The following TRIM42 variants were observed in gnomAD, a reference collection of about 807,000 sequenced individuals.
The protein encoded by TRIM42 is tripartite motif-containing protein 42.
In TRIM42, 59 loss-of-function variants were observed where a neutral mutation model predicts 64.9. The observed-to-expected ratio is 0.91, with a 90% CI of 0.74 to 1.13. The LOEUF is 1.13. TRIM42 is among the 50% of genes most tolerant of loss of function. The pLI, the probability that TRIM42 is intolerant of heterozygous loss-of-function variation, is 0.00. For missense variants in TRIM42, 878 were observed against 929.5 expected, an observed-to-expected ratio of 0.94 and a Z score of 0.72; for synonymous variants, 354 against 346.3, an observed-to-expected ratio of 1.02 and a Z score of -0.25.
At chr3:140,700,455 C>T (rs1262617087) in intron 4 of TRIM42, among the ~76,000 whole-genome samples, 1 of 152,034 alleles carries the variant, frequency 6.6e-6, no homozygotes, top group Non-Finnish European at 1.5e-5. Context: ...ATTTCCCCCA[C>T]ACCCCAATCA....
intron 4 of TRIM42, among the ~76,000 whole-genome samples, chr3:140,691,502 T>G (rs181356013): frequency 6.6e-6 from 1 of 152,292 alleles, no homozygotes; most frequent in South Asian, 2.1e-4. Flanking sequence ...CAAATAATTG[T>G]TGTGTGAGAA....
chr3:140,680,837 G>A (rs972331877), intron 1 of TRIM42: 1 of 327,062 alleles, frequency 3.1e-6, no homozygotes, highest in Non-Finnish European at 4.4e-6. Flanking sequence ...CAATATACTT[G>A]GGAAGCACCT....
At chr3:140,699,951 G>T (rs1232160877) in intron 4 of TRIM42, among the ~76,000 whole-genome samples, 1 of 152,076 alleles carries the variant, frequency 6.6e-6, no homozygotes, top group African/African-American at 2.4e-5. Context: ...TAAAAGCTTT[G>T]TACATAGAGA....
chr3:140,700,156 C>A (rs1988961071), intron 4 of TRIM42, among the ~76,000 whole-genome samples: 1 of 152,082 alleles, frequency 6.6e-6, no homozygotes, highest in Non-Finnish European at 1.5e-5. Flanking sequence ...TGAAGAAACC[C>A]AGTATCTTCA....
In TRIM42 at chr3:140,700,950, G is replaced by A; in HGVS notation, c.2148G>A (p.Gln716=). 2.5e-6 allele frequency: 4 copies of A among 1,614,072 alleles called. No individual in the cohort carries two copies. The highest frequency in any genetic ancestry group is 2.5e-6 in the Non-Finnish European group (3 of 1,179,950). ...RAKWGLLKNI[Q]SALQKHF ...AGTGGGGCCTGCTGAAGAATATCCAGTCTGCCCTCCAGAAGCACTTCTGAG... is the reference window on the plus strand; with the variant it reads ...AGTGGGGCCTGCTGAAGAATATCCAATCTGCCCTCCAGAAGCACTTCTGAG... Residue 716 remains glutamine (Q), a synonymous_variant, in exon 5 of 5, where the codon CAG becomes CAA. Transcript: ENST00000286349.
chr3:140,687,591 C>G, intron 2 of TRIM42, 131 bp from the exon 3 acceptor site: 1 of 671,242 alleles, frequency 1.5e-6, no homozygotes, highest in Admixed American at 2.9e-5. Context: ...TGTTTCAGCC[C>G]AACTACAAGT....
intron 3 of TRIM42, among the ~76,000 whole-genome samples, chr3:140,690,021 C>A (rs779817593): frequency 6.6e-6 from 1 of 152,058 alleles, no homozygotes; most frequent in Non-Finnish European, 1.5e-5. Flanking sequence ...TCAGTCAAGT[C>A]ATTTGCTGTC....
At chr3:140,684,153 A>G (rs543949884) in intron 2 of TRIM42, among the ~76,000 whole-genome samples, 1 of 152,304 alleles carries the variant, frequency 6.6e-6, no homozygotes, top group East Asian at 1.9e-4. Context: ...CAATAATGCT[A>G]CAGTACAGGC....
chr3:140,682,867 G>C lies in TRIM42; in HGVS notation c.747G>C (p.Lys249Asn), dbSNP rs773751766. Residue 249 changes from lysine to asparagine, a missense_variant, in exon 2 of 5, where the codon AAG (lysine) becomes AAC (asparagine). Physicochemically the swap from Lys to Asn is moderately conservative, Grantham distance 94 (BLOSUM62 0). Transcript: ENST00000286349. ...GCCGCAACAAGCGCATCGCTTACAA[G>C]CGCTGCATCACCTGCCGCCTCAACC... is the stretch of plus-strand genomic sequence containing the variant. The part of the protein sequence containing the change: ...QVCRNKRIAY[K>N]RCITCRLNLC... The C allele has an allele frequency of 6.8e-6, 11 of 1,614,196 alleles. No individual in the cohort carries two copies. Among genetic ancestry groups the C allele is most frequent in the Non-Finnish European group, 8.5e-6 (10 of 1,180,032 alleles).
intron 4 of TRIM42, among the ~76,000 whole-genome samples, chr3:140,692,875 T>C (rs576032519): frequency 4.6e-5 from 7 of 152,330 alleles, no homozygotes; most frequent in African/African-American, 1.7e-4. Context: ...AAAATATATG[T>C]AATCTATTAT....
Position 140,682,924 on chromosome 3 carries a change from G to T in TRIM42, c.804G>T (p.Ser268=), listed in dbSNP as rs114287544. The change falls in exon 2 of 5, where the codon TCG becomes TCT. Residue 268 remains serine, a synonymous_variant. Coordinates refer to ENST00000286349, the MANE Select transcript of TRIM42 (RefSeq NM_152616.5). The part of the protein sequence containing the change: ...LCNDCLKAFH[S]DVAMQDHVFV... ...ACGACTGCCTCAAGGCCTTCCACTC[G>T]GATGTGGCCATGCAAGACCACGTCT... 1 of 1,614,176 alleles carries T rather than the reference G, an allele frequency of 6.2e-7. No individual in the cohort carries two copies. Among genetic ancestry groups the T allele is most frequent in the Non-Finnish European group, 8.5e-7 (1 of 1,180,032 alleles).
At chr3:140,681,443 TGAGA>T (rs72085895) in intron 1 of TRIM42, among the ~76,000 whole-genome samples, 2,684 of 152,266 alleles carry the variant, frequency 0.018, 58 homozygotes, top group East Asian at 0.12. Flanking sequence ...AAACTGAACA[TGAGA>T]GAGGTTTAAA....
intron 3 of TRIM42, among the ~76,000 whole-genome samples, chr3:140,690,531 GTATATATATATATATATATATATA>G (rs56969249): frequency 0.026 from 2,683 of 104,118 alleles, 88 homozygotes; most frequent in African/African-American, 0.054. Flanking sequence ...AAGTTTTTAT[GTATATATATATATATATATATATA>G]TATATATATA....
chr3:140,679,310 G>C (rs1170754391), intron 1 of TRIM42, among the ~76,000 whole-genome samples: 1 of 152,134 alleles, frequency 6.6e-6, no homozygotes, highest in Non-Finnish European at 1.5e-5. Context: ...TTCATTTGGA[G>C]TGCTAACCCT....
chr3:140,699,383 T>C (rs1191353608), intron 4 of TRIM42, among the ~76,000 whole-genome samples: 3 of 152,236 alleles, frequency 2.0e-5, no homozygotes, highest in African/African-American at 7.2e-5. Flanking sequence ...TTTTCTAGAA[T>C]AACTCTTAAG....
intron 2 of TRIM42, 31 bp downstream of exon 2, chr3:140,683,190 C>A: frequency 1.2e-6 from 2 of 1,607,668 alleles, no homozygotes; most frequent in Non-Finnish European, 1.7e-6. Flanking sequence ...TTCAGCCTAA[C>A]TTCTAGTTCA....
intron 2 of TRIM42, among the ~76,000 whole-genome samples, chr3:140,685,898 A>G (rs1189712951): frequency 6.6e-6 from 1 of 152,230 alleles, no homozygotes; most frequent in Non-Finnish European, 1.5e-5. Context: ...TATGTGATAG[A>G]TAAAAACATA....
At chr3:140,689,545 T>G (rs2107762487) in intron 3 of TRIM42, among the ~76,000 whole-genome samples, 1 of 152,246 alleles carries the variant, frequency 6.6e-6, no homozygotes, top group Admixed American at 6.5e-5. Context: ...CTGCCAATGC[T>G]GCTGTCTACA....
chr3:140,682,814 T>C lies in TRIM42; in HGVS notation c.694T>C (p.Ser232Pro), dbSNP rs1274812664. The C allele has an allele frequency of 6.2e-7, 1 of 1,614,008 alleles. No homozygotes were observed. Among genetic ancestry groups the C allele is most frequent in the South Asian group, 1.1e-5 (1 of 91,072 alleles). Reference sequence around the variant, plus strand: ...CTACCTCAAGTGGCGCTTTGACCGCTCCTCCGGGCCCATCCTCTGCCAGGT... The same window carrying C: ...CTACCTCAAGTGGCGCTTTGACCGCCCCTCCGGGCCCATCCTCTGCCAGGT... ...HGYLKWRFDR[S>P]SGPILCQVCR... Residue 232 changes from serine (S) to proline (P), a missense_variant, in exon 2 of 5, where the codon TCC becomes CCC. By Grantham distance (74) the Ser-to-Pro change is moderately conservative (BLOSUM62 -1). Transcript: ENST00000286349.
Sources: gnomAD v4.1 joint callset for allele counts (sites outside exome capture counted in the v4.1 genomes callset) on GRCh38, gnomAD v4.1.1 for gene constraint, MANE v1.5 for transcripts, NCBI Gene and HGNC (gene_info 2026-07-23, HGNC 2026-07-21) for gene names.